Variants in SV2C observed in about 807,000 individuals in gnomAD.
The protein encoded by SV2C is solute carrier family 22 member B3.
A neutral mutation model predicts 79.7 loss-of-function variants in SV2C; 49 were observed. The observed-to-expected ratio is 0.61, with a 90% confidence interval of 0.49 to 0.78. The LOEUF is 0.78. Among genes scored for constraint, SV2C ranks in the 30% least tolerant of loss-of-function variants. SV2C has a pLI of 0.00. For missense variants in SV2C, 833 were observed against 912.9 expected (o/e 0.91, Z 1.13); for synonymous variants, 334 against 333.2 (o/e 1.00, Z -0.03).
At chr5:76,241,939 C>T in intron 4 of SV2C, 1 of 770,384 alleles carries the variant, frequency 1.3e-6, no homozygotes, top group Admixed American at 2.0e-5. Flanking sequence ...AAACAAAATT[C>T]TGCATTTTTA....
At chr5:75,944,273 T>C in the SV2C span, among the ~76,000 whole-genome samples, 2 of 152,194 alleles carry the variant, frequency 1.3e-5, no homozygotes, top group African/African-American at 2.4e-5. Flanking sequence ...TTTGTGGCTT[T>C]ATGAATGTAG....
chr5:75,922,193 G>C, the SV2C span, among the ~76,000 whole-genome samples: 1 of 152,004 alleles, frequency 6.6e-6, no homozygotes, highest in African/African-American at 2.4e-5. Context: ...AATTTAAGGA[G>C]GACCAAATAA....
the SV2C span, among the ~76,000 whole-genome samples, chr5:75,901,188 G>T: frequency 2.0e-5 from 3 of 152,252 alleles, no homozygotes; most frequent in East Asian, 1.9e-4. Context: ...CAGTTTTTCT[G>T]CTCTGTTTTT....
chr5:76,339,834 G>A (rs1451383048), intron 12 of SV2C, among the ~76,000 whole-genome samples: 17 of 152,178 alleles, frequency 1.1e-4, no homozygotes, highest in East Asian at 3.8e-4. Context: ...TGTCAGAGGC[G>A]TTTAAACCAG....
chr5:76,252,085 A>G (rs1387163476), intron 4 of SV2C, among the ~76,000 whole-genome samples: 2 of 152,202 alleles, frequency 1.3e-5, no homozygotes, highest in Non-Finnish European at 2.9e-5. Flanking sequence ...TAGAGTATGC[A>G]AACTCACTGT....
chr5:76,016,403 C>A, the SV2C span, among the ~76,000 whole-genome samples: 4 of 152,054 alleles, frequency 2.6e-5, no homozygotes, highest in East Asian at 7.7e-4. Context: ...GTCAACCCAA[C>A]CAAACCACAT....
chr5:76,104,358 C>G (rs1415269871), intron 1 of SV2C, among the ~76,000 whole-genome samples: 1 of 152,192 alleles, frequency 6.6e-6, no homozygotes, highest in Non-Finnish European at 1.5e-5. Context: ...ATTCACAGTT[C>G]TCATATTTCT....
the SV2C span, among the ~76,000 whole-genome samples, chr5:75,993,313 C>T: frequency 1.9e-4 from 29 of 152,088 alleles, no homozygotes; most frequent in African/African-American, 7.0e-4. Context: ...ATAAGATCGT[C>T]TTGCATGGTT....
the SV2C span, among the ~76,000 whole-genome samples, chr5:75,965,601 A>G: frequency 2.0e-5 from 3 of 152,162 alleles, no homozygotes; most frequent in East Asian, 1.9e-4. Context: ...ATAAACTTCT[A>G]TGGTTTATAA....
At chr5:75,877,307 GAAAT>G in the SV2C span, among the ~76,000 whole-genome samples, 2 of 151,936 alleles carry the variant, frequency 1.3e-5, no homozygotes, top group Admixed American at 6.6e-5. Context: ...AATAAAGAGA[GAAAT>G]AAATAATTCA....
chr5:75,986,192 T>C, the SV2C span, among the ~76,000 whole-genome samples: 1 of 151,512 alleles, frequency 6.6e-6, no homozygotes. Context: ...TGTTACCTTG[T>C]ATGCTAAAGG....
intron 4 of SV2C, among the ~76,000 whole-genome samples, chr5:76,238,084 C>A (rs1353660840): frequency 6.7e-6 from 1 of 149,614 alleles, no homozygotes; most frequent in Non-Finnish European, 1.5e-5. Context: ...ACCTCACCAC[C>A]ATTTTTTTTG....
the SV2C span, among the ~76,000 whole-genome samples, chr5:75,915,953 G>T: frequency 1.3e-5 from 2 of 152,086 alleles, no homozygotes; most frequent in East Asian, 3.9e-4. Flanking sequence ...GCTTGCAAAA[G>T]GGGTCTTATC....
the SV2C span, among the ~76,000 whole-genome samples, chr5:76,030,245 G>C: frequency 1.5e-5 from 2 of 132,236 alleles, no homozygotes; most frequent in African/African-American, 5.7e-5. Context: ...CTACAAGACA[G>C]AATGCTTTGG....
intron 1 of SV2C, among the ~76,000 whole-genome samples, chr5:76,112,488 G>A (rs532286667): frequency 4.6e-5 from 7 of 152,180 alleles, no homozygotes; most frequent in Admixed American, 1.3e-4. Context: ...GGCCTTGTGC[G>A]CCAAGGGGAT....
At chr5:75,882,071 A>C in the SV2C span, among the ~76,000 whole-genome samples, 5 of 144,650 alleles carry the variant, frequency 3.5e-5, no homozygotes, top group Non-Finnish European at 7.5e-5. Context: ...GGTTTTTGTC[A>C]TTGGTTCTGT....
chr5:76,346,048 C>A (rs1749530512), intron 12 of SV2C, among the ~76,000 whole-genome samples: 1 of 152,174 alleles, frequency 6.6e-6, no homozygotes, highest in Admixed American at 6.5e-5. Context: ...AACGATCTCT[C>A]CAGATTTGTA....
At chr5:76,231,543 C>T (rs995481945) in intron 4 of SV2C, among the ~76,000 whole-genome samples, 16 of 149,714 alleles carry the variant, frequency 1.1e-4, no homozygotes, top group Non-Finnish European at 1.8e-4. Context: ...CCCACTAACT[C>T]GTCATCTAGC....
At chr5:76,106,174 T>C (rs1231087122) in intron 1 of SV2C, among the ~76,000 whole-genome samples, 1 of 152,086 alleles carries the variant, frequency 6.6e-6, no homozygotes, top group Non-Finnish European at 1.5e-5. Context: ...TGATAGAAAA[T>C]ACATCCTTTC....
Sources: allele counts gnomAD v4.1 joint callset (sites outside exome capture counted in the v4.1 genomes callset), GRCh38; gene constraint gnomAD v4.1.1; transcripts MANE v1.5; gene names NCBI Gene and HGNC (gene_info 2026-07-23, HGNC 2026-07-21).